The following PKD1 variants were observed in gnomAD, a reference collection of about 807,000 sequenced individuals.
The protein encoded by PKD1 is polycystin-1.
In PKD1, 81 loss-of-function variants were observed where a neutral mutation model predicts 361.7. The ratio of observed to expected loss-of-function variants is 0.22; its 90% confidence interval spans 0.19 to 0.27. The LOEUF (loss-of-function observed/expected upper bound fraction) is 0.27, where lower values mean the gene tolerates loss of function less well. Among genes scored for constraint, PKD1 ranks in the 10% least tolerant of loss-of-function variants. The probability of loss-of-function intolerance (pLI) is 1.00; values close to 1 mark genes in which losing one functional copy is unlikely to be tolerated. For missense variants in PKD1, 6,399 were observed against 6,118.3 expected, an observed-to-expected ratio of 1.05 and a Z score of -1.53; for synonymous variants, 3,615 against 2,818.3, an observed-to-expected ratio of 1.28 and a Z score of -8.95.
chr16:2,113,958 G>GT (rs2092584127), intron 11 of PKD1: 1 of 601,238 alleles, frequency 1.7e-6, no homozygotes, highest in Non-Finnish European at 3.0e-6. Flanking sequence ...AGTGGAATGA[G>GT]TTAGCGGAGC....
At chr16:2,129,235 C>CT (rs1228281572) in intron 1 of PKD1, among the ~76,000 whole-genome samples, 4 of 149,358 alleles carry the variant, frequency 2.7e-5, no homozygotes, top group Non-Finnish European at 5.9e-5. Flanking sequence ...TCACAGCTAA[C>CT]TGCAGTCTCA....
At chr16:2,125,299 C>T (rs574365377) in intron 1 of PKD1, among the ~76,000 whole-genome samples, 1 of 152,312 alleles carries the variant, frequency 6.6e-6, no homozygotes, top group East Asian at 1.9e-4. Context: ...GGCCACAACC[C>T]TGGCCCCACG....
intron 11 of PKD1, 53 bp downstream of exon 11, chr16:2,114,117 C>G: frequency 6.6e-7 from 1 of 1,514,494 alleles, no homozygotes; most frequent in Non-Finnish European, 9.0e-7. Flanking sequence ...TGTGAGCACC[C>G]TGTCTGCAGG....
At position 2,089,635 on chromosome 16, in the gene PKD1, T is replaced by C. The variant is rs2091363622; in HGVS notation, c.*92A>G. ...TCTCTGGGGAACCTACGTGCAGCCATTCTGCCTGGCCCTCGGCCTTGACAG... is the reference window on the plus strand; with the variant it reads ...TCTCTGGGGAACCTACGTGCAGCCACTCTGCCTGGCCCTCGGCCTTGACAG... On this transcript the variant is annotated 3_prime_UTR_variant, in exon 46 of 46. Coordinates refer to ENST00000262304, the MANE Select transcript of PKD1 (RefSeq NM_001009944.3). 1 of 1,471,832 alleles carries C rather than the reference T, an allele frequency of 6.8e-7. No homozygotes were observed. Among genetic ancestry groups the C allele is most frequent in the East Asian group, 2.5e-5 (1 of 40,094 alleles). 91.2% of individuals were successfully genotyped at this position (1,471,832 alleles called of 1,614,324 possible).
chr16:2,103,038 C>A (rs932309891), intron 23 of PKD1, 68 bp from the exon 24 acceptor site: 2 of 1,524,338 alleles, frequency 1.3e-6, no homozygotes, highest in Non-Finnish European at 1.8e-6. Context: ...CCCACGATGG[C>A]CCTCCTGAGC....
chr16:2,107,998 G>A lies in PKD1; in HGVS notation c.6950C>T (p.Pro2317Leu), dbSNP rs778631107. ...AATGGTGACCGTGCTGCTCCCGCGG[G>A]GCCCAAAGTTCAGCGCACACCCGCC... ...EAGGCALNFG[P>L]RGSSTVTIPR... The change falls in exon 16 of 46, where the codon CCC (proline) becomes CTC (leucine). Residue 2317 changes from proline to leucine, a missense_variant. Pro to Leu is a moderately conservative substitution (Grantham distance 98). Coordinates refer to ENST00000262304, the MANE Select transcript of PKD1 (RefSeq NM_001009944.3). The A allele has an allele frequency of 1.3e-6, 2 of 1,548,620 alleles. No homozygotes were observed. The highest frequency in any genetic ancestry group is 3.9e-5 in the Admixed American group (2 of 51,090).
rs138116334 is a variant in PKD1, at chr16:2,110,331, C to A, written c.4836G>T (p.Thr1612=). The change falls in exon 15 of 46, where the codon ACG becomes ACT. Residue 1612 remains threonine (T), a synonymous_variant. Coordinates refer to ENST00000262304, the MANE Select transcript of PKD1 (RefSeq NM_001009944.3). ...RSVGTFNIIV[T]AENEVGSAQD... Reference sequence around the variant, plus strand: ...GGGCGGAGCCCACCTCGTTCTCAGCCGTGACGATGATATTGAAGGTGCCCA... The same window carrying A: ...GGGCGGAGCCCACCTCGTTCTCAGCAGTGACGATGATATTGAAGGTGCCCA... 1.2e-6 allele frequency: 2 copies of A among 1,612,634 alleles called. No individual in the cohort carries two copies. Among genetic ancestry groups the A allele is most frequent in the Admixed American group, 1.7e-5 (1 of 60,010 alleles).
rs1157473135 is a variant in PKD1, at chr16:2,106,415, A to G, written c.7472T>C (p.Val2491Ala). The G allele has an allele frequency of 7.6e-6, 12 of 1,589,316 alleles. No individual in the cohort carries two copies. Among genetic ancestry groups the G allele is most frequent in the South Asian group, 1.1e-5 (1 of 88,824 alleles). Residue 2491 changes from valine to alanine, a missense_variant, in exon 18 of 46, where the codon GTG (valine) becomes GCG (alanine). Transcript: ENST00000262304. This position sits in a 1 kb window ranked among gnomAD's most constrained non-coding sequence, Gnocchi z 6.5. ...LGAVHALTTK[V>A]HFECTGWHDA... ...GCACTCACCCGTGCATTCGAAGTGCACCTTGGTGGTGAGGGCGTGCACAGC... is the reference window on the plus strand; with the variant it reads ...GCACTCACCCGTGCATTCGAAGTGCGCCTTGGTGGTGAGGGCGTGCACAGC...
At position 2,091,621 on chromosome 16, in the gene PKD1, A is replaced by G. The variant is rs574990922; in HGVS notation, c.11538-24T>C. ...TCCTGCGCAGAGGGTGCGGGTCAGTAGGAGCGGGTGGCAGGGCGGGAGCTG... is the reference window on the plus strand; with the variant it reads ...TCCTGCGCAGAGGGTGCGGGTCAGTGGGAGCGGGTGGCAGGGCGGGAGCTG... On this transcript the variant is annotated intron_variant, in intron 41 of 45. Coordinates refer to ENST00000262304, the MANE Select transcript of PKD1 (RefSeq NM_001009944.3). The G allele has an allele frequency of 6.7e-5, 104 of 1,562,424 alleles. No individual in the cohort carries two copies. In the East Asian group the frequency reaches 1.7e-3, roughly 26 times the overall value.
Position 2,111,149 on chromosome 16 carries a change from G to C in PKD1, c.4018C>G (p.Arg1340Gly). ...FGDGSSNTTV[R>G]GCPTVTHNFT... ...TTGTGTGTCACCGTCGGGCACCCCC[G>C]CACGGTCGTGTTGGAGGAGCCATCC... is the stretch of plus-strand genomic sequence containing the variant. The change falls in exon 15 of 46, where the codon CGG becomes GGG. Residue 1340 changes from arginine (R) to glycine (G), a missense_variant. Arg to Gly is a moderately radical substitution (Grantham distance 125). Transcript: ENST00000262304. The C allele has an allele frequency of 6.2e-7, 1 of 1,611,104 alleles. No homozygotes were observed. The highest frequency in any genetic ancestry group is 8.5e-7 in the Non-Finnish European group (1 of 1,179,746).
In PKD1 at chr16:2,104,642, C is replaced by G. The variant is rs563412045; in HGVS notation, c.8017G>C (p.Gly2673Arg). 96 of 1,511,064 alleles carry G rather than the reference C, an allele frequency of 6.4e-5. No homozygotes were observed. The African/African-American group carries it at 1.3e-3, about 20-fold the overall frequency. The allele number at this position is 1,511,064 out of a possible 1,614,324, so 93.6% of individuals were successfully genotyped here. A position where few individuals can be genotyped will look rare whatever the true frequency, so the allele number is the denominator to read the frequency against. ...QIAAALAQCMGPSRELVCRSC... is the reference protein window; with the variant it reads ...QIAAALAQCMRPSRELVCRSC... ...CGGCATACGAGCTCCCTGCTGGGCC[C>G]CTGTGTGGAGCCAGCAGTGTCCAGC... Residue 2673 changes from glycine (G) to arginine (R), a missense_variant and splice_region_variant, in exon 22 of 46, where the codon GGG (glycine) becomes CGG (arginine). Physicochemically the swap from Gly to Arg is moderately radical, Grantham distance 125 (BLOSUM62 -2). Transcript: ENST00000262304.
chr16:2,098,757 G>C (rs1324280431), intron 30 of PKD1: 4 of 144,806 alleles, frequency 2.8e-5, no homozygotes, highest in African/African-American at 1.1e-4. Context: ...TGAAGGATTG[G>C]TGTTAATTCT....
At position 2,092,974 on chromosome 16, in the gene PKD1, C is replaced by A; in HGVS notation, c.11136G>T (p.Arg3712=). 6.2e-7 allele frequency: 1 copy of A among 1,612,998 alleles called. No homozygotes were observed. The highest frequency in any genetic ancestry group is 8.5e-7 in the Non-Finnish European group (1 of 1,180,024). ...CGTACCGCGTGATGGCCAGGAAGGC[C>A]CGGCTGTGCAGCTCCTGCTTGATGG... ...QSAIKQELHS[R]AFLAITRSEE... Residue 3712 remains arginine (R), a synonymous_variant, in exon 38 of 46, where the codon CGG becomes CGT. Coordinates refer to ENST00000262304, the MANE Select transcript of PKD1 (RefSeq NM_001009944.3).
intron 32 of PKD1, 57 bp from the exon 33 acceptor site, chr16:2,097,560 C>A (rs976941721): frequency 1.9e-6 from 3 of 1,604,474 alleles, no homozygotes; most frequent in South Asian, 1.1e-5. Flanking sequence ...CACAGCCCAC[C>A]CCCGTCCAGT....
At chr16:2,134,385 C>A (rs866128488) in intron 1 of PKD1, among the ~76,000 whole-genome samples, 5 of 119,240 alleles carry the variant, frequency 4.2e-5, no homozygotes, top group South Asian at 2.7e-4. Flanking sequence ...CAATGTTTAG[C>A]AAGCCTGGGG....
chr16:2,110,876 C>T lies in PKD1; in HGVS notation c.4291G>A (p.Val1431Met), dbSNP rs752310184. 3.1e-6 allele frequency: 5 copies of T among 1,611,740 alleles called. No individual in the cohort carries two copies. Among genetic ancestry groups the T allele is most frequent in the East Asian group, 2.2e-5 (1 of 44,882 alleles). The change falls in exon 15 of 46, where the codon GTG becomes ATG. Residue 1431 changes from valine to methionine, a missense_variant. Physicochemically the swap from Val to Met is conservative, Grantham distance 21. Transcript: ENST00000262304. Reference protein sequence around the residue: ...AAPTRARGPEVTFIYRDPGSY... With the variant: ...AAPTRARGPEMTFIYRDPGSY... ...CCTGGGTCTCGGTAGATGAACGTCA[C>T]CTCAGGGCCCCTGGCACGGGTGGGG...
At chr16:2,131,552 C>T (rs1173780357) in intron 1 of PKD1, among the ~76,000 whole-genome samples, 1 of 151,864 alleles carries the variant, frequency 6.6e-6, no homozygotes, top group Non-Finnish European at 1.5e-5. Context: ...AAATACATCA[C>T]TCACACCTGT....
rs760316412 is a variant in PKD1, at chr16:2,116,628, G to T, written c.1623C>A (p.Ala541=). 6.5e-7 allele frequency: 1 copy of T among 1,541,660 alleles called. No homozygotes were observed. The highest frequency in any genetic ancestry group is 8.7e-7 in the Non-Finnish European group (1 of 1,145,348). ...TGGGCGCTCCCACGAGGAGGTTCTC[G>T]GCATCCTGCACTGGGCCTGGGGTGG... ...ELQPGGPVQD[A]ENLLVGAPSG... is the part of the protein sequence containing the mutation. The change falls in exon 8 of 46, where the codon GCC becomes GCA. Residue 541 remains alanine (A), a synonymous_variant. Transcript: ENST00000262304.
intron 1 of PKD1, among the ~76,000 whole-genome samples, chr16:2,124,523 G>C (rs183821331): frequency 5.9e-5 from 9 of 152,328 alleles, no homozygotes; most frequent in Admixed American, 5.9e-4. Flanking sequence ...TGGGACTGAG[G>C]AGAACTTCCC....
Sources: allele counts gnomAD v4.1 joint callset (sites outside exome capture counted in the v4.1 genomes callset), GRCh38; gene constraint gnomAD v4.1.1; non-coding constraint Gnocchi (gnomAD v3.1); transcripts MANE v1.5; gene names NCBI Gene and HGNC (gene_info 2026-07-23, HGNC 2026-07-21).